DAB1: variants seen among roughly 807,000 people sequenced by gnomAD.
DAB1 encodes disabled homolog 1.
Under a neutral mutation model 64.6 loss-of-function variants are expected in DAB1, and 15 were observed. The ratio of observed to expected loss-of-function variants is 0.23; its 90% CI spans 0.16 to 0.36. DAB1 has a LOEUF of 0.36. Ranked by LOEUF, DAB1 falls within the 10% of genes least tolerant of loss-of-function variation. The probability of loss-of-function intolerance (pLI) is 1.00; values close to 1 mark genes in which losing one functional copy is unlikely to be tolerated. For synonymous variants in DAB1, 235 were observed against 251.9 expected, an observed-to-expected ratio of 0.93 and a Z score of 0.64; for missense variants, 596 against 706.7, an observed-to-expected ratio of 0.84 and a Z score of 1.78.
At chr1:58,178,782 G>T (rs1363937953) in intron 4 of DAB1, among the ~76,000 whole-genome samples, 1 of 152,040 alleles carries the variant, frequency 6.6e-6, no homozygotes. Flanking sequence ...TTGTTTGTGG[G>T]CTGTACACAA....
Position 58,191,918 on chromosome 1 carries a change from C to A in DAB1, n.310-41330G>T, listed in dbSNP as rs529512405. On this transcript the variant is annotated intron_variant and non_coding_transcript_variant, in intron 4 of 20. Coordinates refer to the DAB1 transcript ENST00000485760. ...ATGCGTAAAAATATGTGACCACCTGCAATAAAAATACCACTGTGGAGAACA... is the reference window on the plus strand; with the variant it reads ...ATGCGTAAAAATATGTGACCACCTGAAATAAAAATACCACTGTGGAGAACA... Among the ~76,000 whole-genome samples the A allele has an allele frequency of 7.9e-5, 12 of 152,290 alleles. No individual in the cohort carries two copies. In the East Asian group the frequency reaches 1.9e-3, roughly 24 times the overall value.
chr1:57,013,384 G>A (rs919551829), intron 12 of DAB1, among the ~76,000 whole-genome samples: 1 of 152,138 alleles, frequency 6.6e-6, no homozygotes, highest in Middle Eastern at 3.2e-3. Flanking sequence ...AGAGATGTTT[G>A]TTTTTAAAAA....
chr1:57,310,381 C>G (rs1395271749), intron 1 of DAB1, among the ~76,000 whole-genome samples: 1 of 152,130 alleles, frequency 6.6e-6, no homozygotes, highest in Admixed American at 6.5e-5. Flanking sequence ...AAGCCAAGCA[C>G]TTTCATCAAA....
At chr1:57,084,071 C>T (rs1409418226) in intron 4 of DAB1, among the ~76,000 whole-genome samples, 1 of 152,136 alleles carries the variant, frequency 6.6e-6, no homozygotes, top group African/African-American at 2.4e-5. Context: ...AATTATGCCC[C>T]CAACCCCCAT....
intron 4 of DAB1, among the ~76,000 whole-genome samples, chr1:58,324,972 G>A (rs1281440532): frequency 2.0e-5 from 3 of 152,230 alleles, no homozygotes; most frequent in Non-Finnish European, 4.4e-5. Context: ...TAACCAACTT[G>A]TTTTTCTTTC....
intron 2 of DAB1, among the ~76,000 whole-genome samples, chr1:57,162,324 G>T (rs530170187): frequency 2.6e-5 from 4 of 152,200 alleles, no homozygotes; most frequent in Admixed American, 2.6e-4. Context: ...AAGAATGCCC[G>T]TAAGCTCTGG....
intron 1 of DAB1, among the ~76,000 whole-genome samples, chr1:57,318,407 T>C (rs1675402316): frequency 6.6e-6 from 1 of 152,210 alleles, no homozygotes; most frequent in Non-Finnish European, 1.5e-5. Flanking sequence ...CTTTAGATGC[T>C]GTCCCACAGC....
intron 1 of DAB1, among the ~76,000 whole-genome samples, chr1:57,312,699 T>A (rs141320118): frequency 6.6e-6 from 1 of 152,154 alleles, no homozygotes; most frequent in East Asian, 1.9e-4. Context: ...TCTTGTGCCT[T>A]GAATGTAAAA....
chr1:58,262,382 C>A (rs1377412348), intron 4 of DAB1, among the ~76,000 whole-genome samples: 1 of 152,114 alleles, frequency 6.6e-6, no homozygotes, highest in African/African-American at 2.4e-5. Context: ...GTCAAGAGAT[C>A]GAGACCATCC....
intron 9 of DAB1, among the ~76,000 whole-genome samples, chr1:57,048,737 G>C (rs1298013803): frequency 6.6e-6 from 1 of 152,086 alleles, no homozygotes; most frequent in African/African-American, 2.4e-5. Flanking sequence ...TCTTTCATCT[G>C]TTTATATAGC....
At chr1:57,763,259 A>G (rs1649163096) in intron 6 of DAB1, among the ~76,000 whole-genome samples, 1 of 152,194 alleles carries the variant, frequency 6.6e-6, no homozygotes, top group Admixed American at 6.5e-5. Context: ...GAAAGAGGAC[A>G]CTTGGAAAGA....
downstream of DAB1, among the ~76,000 whole-genome samples, chr1:57,825,912 G>A (rs368743218): frequency 2.0e-5 from 3 of 152,028 alleles, no homozygotes; most frequent in East Asian, 3.9e-4. Flanking sequence ...GTCTCATTCC[G>A]CCCTCCCAGA....
At chr1:57,523,511 C>A (rs1644555310) in intron 7 of DAB1, among the ~76,000 whole-genome samples, 1 of 152,104 alleles carries the variant, frequency 6.6e-6, no homozygotes, top group Non-Finnish European at 1.5e-5. Flanking sequence ...TCTCAGTCTA[C>A]AATAAGCAGA....
intron 7 of DAB1, among the ~76,000 whole-genome samples, chr1:57,624,715 T>C (rs1645902145): frequency 6.6e-6 from 1 of 152,206 alleles, no homozygotes; most frequent in South Asian, 2.1e-4. Context: ...AACAAAGCCA[T>C]ATATACATTT....
intron 4 of DAB1, among the ~76,000 whole-genome samples, chr1:58,293,234 T>C (rs1433343824): frequency 6.6e-6 from 1 of 152,200 alleles, no homozygotes. Context: ...TATGCAGATA[T>C]CTTCATGACA....
At chr1:58,192,835 T>A (rs1195516285) in intron 4 of DAB1, among the ~76,000 whole-genome samples, 3 of 152,188 alleles carry the variant, frequency 2.0e-5, no homozygotes, top group African/African-American at 7.2e-5. Flanking sequence ...GTAGTGGGAT[T>A]GCTAGATTAA....
intron 1 of DAB1, among the ~76,000 whole-genome samples, chr1:57,295,793 A>G (rs1193288924): frequency 6.6e-6 from 1 of 152,126 alleles, no homozygotes; most frequent in Non-Finnish European, 1.5e-5. Context: ...TTTTTGCATA[A>G]TTTCCACATT....
chr1:58,332,904 T>TTATTTATG (rs1663007127), intron 4 of DAB1, among the ~76,000 whole-genome samples: 1 of 151,938 alleles, frequency 6.6e-6, no homozygotes. Context: ...TTTTAAAATT[T>TTATTTATG]TATTTATTTA....
At chr1:57,555,285 G>C (rs921739934) in intron 7 of DAB1, among the ~76,000 whole-genome samples, 1 of 151,420 alleles carries the variant, frequency 6.6e-6, no homozygotes, top group Non-Finnish European at 1.5e-5. Flanking sequence ...TGCCTGCCTC[G>C]GCCTCCCAAA....
Sources: gnomAD v4.1 joint callset for allele counts (sites outside exome capture counted in the v4.1 genomes callset) on GRCh38, gnomAD v4.1.1 for gene constraint, MANE v1.5 for transcripts, NCBI Gene and HGNC (gene_info 2026-07-23, HGNC 2026-07-21) for gene names.